Variants in TARBP2 observed in about 807,000 individuals in gnomAD.
TARBP2 encodes the protein RISC-loading complex subunit TARBP2.
A neutral mutation model predicts 40.4 loss-of-function variants in TARBP2; 23 were observed. The observed-to-expected ratio is 0.57, with a 90% CI of 0.41 to 0.81. The LOEUF is 0.81. Ranked by LOEUF, TARBP2 falls within the 30% of genes least tolerant of loss-of-function variation. TARBP2 has a pLI of 0.00. For missense variants in TARBP2, 358 were observed against 473.7 expected, an observed-to-expected ratio of 0.76 and a Z score of 2.27; for synonymous variants, 183 against 190.5, an observed-to-expected ratio of 0.96 and a Z score of 0.32.
At chr12:53,504,284 T>C in intron 4 of TARBP2, 113 bp from the exon 5 acceptor site, 1 of 1,002,578 alleles carries the variant, frequency 1.0e-6, no homozygotes, top group Non-Finnish European at 1.4e-6. Context: ...CCCCACCCGG[T>C]GGAATCGGGA....
rs1943699146 is a variant in TARBP2, at chr12:53,501,458, C to T, written c.50C>T (p.Pro17Leu). 1 of 1,567,340 alleles carries T rather than the reference C, an allele frequency of 6.4e-7. No homozygotes were observed. Among genetic ancestry groups the T allele is most frequent in the Non-Finnish European group, 8.7e-7 (1 of 1,155,906 alleles). Residue 17 changes from proline to leucine, a missense_variant, in exon 1 of 9, where the codon CCT becomes CTT. Pro to Leu is a moderately conservative substitution (Grantham distance 98). Coordinates refer to ENST00000266987, the MANE Select transcript of TARBP2 (RefSeq NM_134323.2). ...GSGTTTGCGL[P>L]SIEQMLAANP... ...GGCACTACCACGGGCTGCGGGCTGCCTAGGTGAGCCGTCTCGTACCGATTC... is the reference window on the plus strand; with the variant it reads ...GGCACTACCACGGGCTGCGGGCTGCTTAGGTGAGCCGTCTCGTACCGATTC...
At chr12:53,501,032 C>T, upstream of TARBP2, 1 of 255,688 alleles carries the variant, frequency 3.9e-6, no homozygotes, top group South Asian at 5.0e-5. Context: ...TACCCAGCGG[C>T]TTCCCCTCCG....
rs1376120977 is a variant in TARBP2, at chr12:53,501,311, C to T, written c.-98C>T. On this transcript the variant is annotated 5_prime_UTR_variant, in exon 1 of 9. Transcript: ENST00000266987. ...GTGCCCCGCGGCGGGCCCTACCGGCCGCGACTCCGGGCTTGGCCCCGGCCC... is the reference window on the plus strand; with the variant it reads ...GTGCCCCGCGGCGGGCCCTACCGGCTGCGACTCCGGGCTTGGCCCCGGCCC... 11 of 1,418,730 alleles carry T rather than the reference C, an allele frequency of 7.8e-6. No homozygotes were observed. The highest frequency in any genetic ancestry group is 1.3e-5 in the South Asian group (1 of 77,908). 87.9% of individuals were successfully genotyped at this position (1,418,730 alleles called of 1,614,324 possible). A position where few individuals can be genotyped will look rare whatever the true frequency, so the allele number is the denominator to read the frequency against.
At position 53,503,099 on chromosome 12, in the gene TARBP2, G is replaced by A. The variant is rs1029867627; in HGVS notation, c.296G>A (p.Ser99Asn). The change falls in exon 3 of 9, where the codon AGC becomes AAC. Residue 99 changes from serine to asparagine, a missense_variant. By Grantham distance (46) the Ser-to-Asn change is conservative. Transcript: ENST00000266987. ...GCCCTCAAACACCTCAAAGGGGGGA[G>A]CATGCTGGAGCCGGCCCTGGAGGAC... Reference protein sequence around the residue: ...EVALKHLKGGSMLEPALEDSS... With the variant: ...EVALKHLKGGNMLEPALEDSS... 1.3e-6 allele frequency: 2 copies of A among 1,550,580 alleles called. No homozygotes were observed. The highest frequency in any genetic ancestry group is 1.7e-6 in the Non-Finnish European group (2 of 1,146,428).
At position 53,505,364 on chromosome 12, in the gene TARBP2, C is replaced by T; in HGVS notation, c.741+102C>T. ...ACTCAGCAGTGAGCCTCTCTGGGCC[C>T]TAGGTCTGCTTCTGCCACAGTTTTC... On this transcript the variant is annotated intron_variant, in intron 7 of 8. Transcript: ENST00000266987. This position sits in a 1 kb window ranked among gnomAD's most constrained non-coding sequence, Gnocchi z 4.5. The T allele has an allele frequency of 2.0e-6, 3 of 1,480,586 alleles. No homozygotes were observed. Among genetic ancestry groups the T allele is most frequent in the Non-Finnish European group, 2.7e-6 (3 of 1,110,480 alleles). 91.7% of individuals were successfully genotyped at this position (1,480,586 alleles called of 1,614,324 possible).
intron 3 of TARBP2, 60 bp from the exon 4 acceptor site, chr12:53,503,653 C>T: frequency 7.7e-7 from 1 of 1,292,492 alleles, no homozygotes; most frequent in Non-Finnish European, 1.1e-6. Context: ...CGTGGGTCCC[C>T]CACCCCTCTC....
chr12:53,502,723 C>G, intron 2 of TARBP2: 3 of 250,618 alleles, frequency 1.2e-5, no homozygotes, highest in Non-Finnish European at 1.5e-5. Context: ...TTCCAGCTCT[C>G]TGTATTTATT....
At chr12:53,502,384 G>A in intron 2 of TARBP2, 200 bp downstream of exon 2, 1 of 644,056 alleles carries the variant, frequency 1.6e-6, no homozygotes, top group South Asian at 1.9e-5. Flanking sequence ...AGAGGAGCGA[G>A]CAGGACTCCC....
intron 1 of TARBP2, chr12:53,501,675 A>T: frequency 6.9e-7 from 1 of 1,439,162 alleles, no homozygotes. Flanking sequence ...GCACTGGAAC[A>T]CTGGGCTTTA....
At chr12:53,501,715 A>G (rs1943718706) in intron 1 of TARBP2, 2 of 1,432,238 alleles carry the variant, frequency 1.4e-6, no homozygotes, top group East Asian at 2.5e-5. Flanking sequence ...TTTGGTGGGT[A>G]CTGGGTTCCT....
In TARBP2 at chr12:53,505,647, A is replaced by C; in HGVS notation, c.742-2A>C. On this transcript the variant is annotated splice_acceptor_variant, in intron 7 of 8. Transcript: ENST00000266987. LOFTEE classifies it high-confidence loss of function. The surrounding 1 kb of genome is among the most constrained non-coding windows in gnomAD (Gnocchi z 4.5). ...TCTTTCTCACTGTTCCCATCTTGAC[A>C]GGGTGTGGGCTCCCGCCTGGATGGT... is the stretch of plus-strand genomic sequence containing the variant. 1 of 1,613,828 alleles carries C rather than the reference A, an allele frequency of 6.2e-7. No individual in the cohort carries two copies. Among genetic ancestry groups the C allele is most frequent in the Non-Finnish European group, 8.5e-7 (1 of 1,179,764 alleles).
chr12:53,502,991 A>G, intron 2 of TARBP2, 36 bp from the exon 3 acceptor site: 13 of 1,525,814 alleles, frequency 8.5e-6, no homozygotes, highest in Non-Finnish European at 1.1e-5. Context: ...CCGTCCTTTC[A>G]GTGACCTCCA....
Position 53,505,002 on chromosome 12 carries a change from C to A in TARBP2, c.614-133C>A. 1 of 1,484,576 alleles carries A rather than the reference C, an allele frequency of 6.7e-7. No homozygotes were observed. The allele number at this position is 1,484,576 out of a possible 1,614,324, so 92.0% of individuals were successfully genotyped here. A position where few individuals can be genotyped will look rare whatever the true frequency, so the allele number is the denominator to read the frequency against. ...CCTTCTCTCTGGCTGACCAGGTTCT[C>A]ACGTGCATGGGCAGGTCTTGAGTTC... On this transcript the variant is annotated intron_variant, in intron 6 of 8. Coordinates refer to ENST00000266987, the MANE Select transcript of TARBP2 (RefSeq NM_134323.2). The surrounding 1 kb of genome is among the most constrained non-coding windows in gnomAD (Gnocchi z 4.5).
Position 53,505,868 on chromosome 12 carries a change from G to A in TARBP2, c.943+18G>A, listed in dbSNP as rs1338561145. Reference sequence around the variant, plus strand: ...GGATATTGGTATGGCTAGCTGGGGAGCGAGCCAGGGGATGGTGGGGGCTGG... The same window carrying A: ...GGATATTGGTATGGCTAGCTGGGGAACGAGCCAGGGGATGGTGGGGGCTGG... On this transcript the variant is annotated intron_variant, in intron 8 of 8. Transcript: ENST00000266987. The surrounding 1 kb of genome is among the most constrained non-coding windows in gnomAD (Gnocchi z 4.5). 6.2e-7 allele frequency: 1 copy of A among 1,611,574 alleles called. No individual in the cohort carries two copies.
chr12:53,506,107 C>G lies in TARBP2; in HGVS notation c.1060C>G (p.Arg354Gly). 6.2e-7 allele frequency: 1 copy of G among 1,613,994 alleles called. No homozygotes were observed. The highest frequency in any genetic ancestry group is 8.5e-7 in the Non-Finnish European group (1 of 1,180,002). The change falls in exon 9 of 9, where the codon CGT becomes GGT. Residue 354 changes from arginine (R) to glycine (G), a missense_variant. Physicochemically the swap from Arg to Gly is moderately radical, Grantham distance 125 (BLOSUM62 -2). Transcript: ENST00000266987. The part of the protein sequence containing the change: ...REAARGEAAR[R>G]ALQYLKIMAG... ...GGCAGCCCGTGGTGAGGCTGCCCGCCGTGCCCTGCAGTACCTCAAGATCAT... is the reference window on the plus strand; with the variant it reads ...GGCAGCCCGTGGTGAGGCTGCCCGCGGTGCCCTGCAGTACCTCAAGATCAT...
In TARBP2 at chr12:53,504,577, C is replaced by T. The variant is rs762274936; in HGVS notation, c.495+108C>T. On this transcript the variant is annotated intron_variant, in intron 5 of 8. Coordinates refer to ENST00000266987, the MANE Select transcript of TARBP2 (RefSeq NM_134323.2). ...TGGGGGCGGTTCCTTGTACTGAGGC[C>T]CTTTCCACCCCCCTCTCTCCTTCCT... The T allele has an allele frequency of 5.0e-6, 8 of 1,604,826 alleles. No individual in the cohort carries two copies. The South Asian group carries it at 8.9e-5, about 18-fold the overall frequency.
chr12:53,502,163 G>T lies in TARBP2; in HGVS notation c.202G>T (p.Val68Phe). 2 of 1,614,202 alleles carry T rather than the reference G, an allele frequency of 1.2e-6. No individual in the cohort carries two copies. Among genetic ancestry groups the T allele is most frequent in the Admixed American group, 1.7e-5 (1 of 60,024 alleles). Residue 68 changes from valine to phenylalanine, a missense_variant, in exon 2 of 9, where the codon GTT (valine) becomes TTT (phenylalanine). Physicochemically the swap from Val to Phe is conservative, Grantham distance 50. Around this residue, in one of 3 missense-constraint regions of TARBP2, gnomAD observed 317 missense variants for 422.9 expected, o/e 0.75. Coordinates refer to ENST00000266987, the MANE Select transcript of TARBP2 (RefSeq NM_134323.2). ...GCCTAATTTCACCTTCCGGGTCACCGTTGGCGACACCAGCTGCACTGGTGA... is the reference window on the plus strand; with the variant it reads ...GCCTAATTTCACCTTCCGGGTCACCTTTGGCGACACCAGCTGCACTGGTGA... Reference protein sequence around the residue: ...HQPNFTFRVTVGDTSCTGQGP... With the variant: ...HQPNFTFRVTFGDTSCTGQGP...
At chr12:53,503,517 C>G (rs1280041737) in intron 3 of TARBP2, 196 bp from the exon 4 acceptor site, 6 of 594,964 alleles carry the variant, frequency 1.0e-5, no homozygotes, top group Non-Finnish European at 1.8e-5. Flanking sequence ...CTCTGAGACT[C>G]TCTTTTCTCA....
chr12:53,506,142 C>G lies in TARBP2; in HGVS notation c.1095C>G (p.Ser365Arg). ...ALQYLKIMAG[S>R]K ...AGTACCTCAAGATCATGGCAGGCAGCAAGTGAAGCCCCAGCTGGACTCATG... is the reference window on the plus strand; with the variant it reads ...AGTACCTCAAGATCATGGCAGGCAGGAAGTGAAGCCCCAGCTGGACTCATG... Residue 365 changes from serine to arginine, a missense_variant, in exon 9 of 9, where the codon AGC becomes AGG. Physicochemically the swap from Ser to Arg is moderately radical, Grantham distance 110 (BLOSUM62 -1). Transcript: ENST00000266987. 1 of 1,613,512 alleles carries G rather than the reference C, an allele frequency of 6.2e-7. No individual in the cohort carries two copies. The highest frequency in any genetic ancestry group is 1.1e-5 in the South Asian group (1 of 91,042).
Sources: allele counts gnomAD v4.1 joint callset, GRCh38; gene constraint gnomAD v4.1.1; regional missense constraint gnomAD v4.1.1; non-coding constraint Gnocchi (gnomAD v3.1); transcripts MANE v1.5; gene names NCBI Gene and HGNC (gene_info 2026-07-23, HGNC 2026-07-21).